The following GNB1 variants were observed in gnomAD, a reference collection of about 807,000 sequenced individuals.
GNB1 encodes the protein G protein subunit beta 1, also known as guanine nucleotide-binding protein G(I)/G(S)/G(T) subunit beta-1.
A neutral mutation model predicts 42.9 loss-of-function variants in GNB1; 2 were observed. The observed-to-expected ratio is 0.05, with a 90% CI of 0.02 to 0.15. GNB1 has a LOEUF of 0.15. Among genes scored for constraint, GNB1 ranks in the 10% least tolerant of loss-of-function variants. The probability of loss-of-function intolerance (pLI) is 1.00; values close to 1 mark genes in which losing one functional copy is unlikely to be tolerated. For missense variants in GNB1, 193 were observed against 462.2 expected (o/e 0.42, Z 5.34); for synonymous variants, 183 against 174.7 (o/e 1.05, Z -0.38).
At chr1:1,842,649 G>C (rs1647291980) in intron 1 of GNB1, among the ~76,000 whole-genome samples, 1 of 152,170 alleles carries the variant, frequency 6.6e-6, no homozygotes, top group Non-Finnish European at 1.5e-5. Flanking sequence ...GTGTGCAGTG[G>C]ACAATTATTT....
rs35188163 is a variant in GNB1 at position 1,866,635 on chromosome 1, TAAAA to T, written c.-96+24181_-96+24184del. The stretch of plus-strand genomic sequence containing the variant: ...ACTAACTAGTAATAGCTGATGAGCT[TAAAA>T]AAAAAAAAAATCGCTAAAAAAAAAT... On this transcript the variant is annotated intron_variant, in intron 1 of 11. Transcript: ENST00000378609. 9.6e-5 allele frequency among the ~76,000 whole-genome samples: 14 copies of T among 146,502 alleles called. No individual in the cohort carries two copies. In the South Asian group the frequency reaches 2.6e-3, roughly 27 times the overall value.
At position 1,785,896 on chromosome 1, in the gene GNB1, CA is replaced by C. The variant is rs1646399986; in HGVS notation, c.*1166del. 1 of 398,604 alleles carries C rather than the reference CA, an allele frequency of 2.5e-6. No homozygotes were observed. Among genetic ancestry groups the C allele is most frequent in the Non-Finnish European group, 4.4e-6 (1 of 226,024 alleles). 24.7% of individuals were successfully genotyped at this position (398,604 alleles called of 1,614,324 possible). A position where few individuals can be genotyped will look rare whatever the true frequency, so the allele number is the denominator to read the frequency against. On this transcript the variant is annotated 3_prime_UTR_variant, in exon 12 of 12. Coordinates refer to ENST00000378609, the MANE Select transcript of GNB1 (RefSeq NM_002074.5). ...GCTGTACTGCTTCCGATATGTGCCA[CA>C]GAGCAGCAACGAGAAGTGGACAGAG...
At chr1:1,854,511 G>A (rs920242427) in intron 1 of GNB1, among the ~76,000 whole-genome samples, 2 of 152,178 alleles carry the variant, frequency 1.3e-5, no homozygotes, top group African/African-American at 4.8e-5. Flanking sequence ...AGAGGAAGGG[G>A]ACCACAATGA....
At chr1:1,885,842 G>A (rs1650123531) in intron 1 of GNB1, among the ~76,000 whole-genome samples, 1 of 148,374 alleles carries the variant, frequency 6.7e-6, no homozygotes, top group Non-Finnish European at 1.5e-5. Context: ...ACAGGCGTGA[G>A]CCACCGTGCC....
chr1:1,883,584 CTCATTTAA>C (rs1387502296), intron 1 of GNB1, among the ~76,000 whole-genome samples: 14 of 152,272 alleles, frequency 9.2e-5, no homozygotes, highest in Admixed American at 2.0e-4. Flanking sequence ...CACATCAGGA[CTCATTTAA>C]TCCTCACAAT....
intron 6 of GNB1, among the ~76,000 whole-genome samples, chr1:1,805,383 C>T (rs1188473101): frequency 1.3e-5 from 2 of 151,182 alleles, no homozygotes; most frequent in African/African-American, 2.4e-5. Flanking sequence ...GTCGCTTGAA[C>T]CAGGGGGGTG....
intron 1 of GNB1, among the ~76,000 whole-genome samples, chr1:1,889,824 C>T (rs1364682407): frequency 1.3e-5 from 2 of 152,180 alleles, no homozygotes; most frequent in Non-Finnish European, 2.9e-5. Context: ...TCTTAAAAGT[C>T]AAAAGCCTCA....
intron 1 of GNB1, among the ~76,000 whole-genome samples, chr1:1,889,754 A>T (rs892387407): frequency 1.3e-5 from 2 of 152,190 alleles, no homozygotes; most frequent in Admixed American, 6.5e-5. Context: ...TAACGGACAC[A>T]AGAAATGTTA....
chr1:1,880,926 CA>C (rs34339560), intron 1 of GNB1, among the ~76,000 whole-genome samples: 125,917 of 151,956 alleles, frequency 0.83, 54,233 homozygotes, highest in Non-Finnish European at 0.95. Flanking sequence ...GCTACGAAGA[CA>C]AGAGTGGGGT....
Position 1,891,029 on chromosome 1 carries a change from G to GCCGCCT in GNB1, c.-311_-306dup, listed in dbSNP as rs1274633451. 105 of 154,944 alleles carry GCCGCCT rather than the reference G, an allele frequency of 6.8e-4. No homozygotes were observed. Among genetic ancestry groups the GCCGCCT allele is most frequent in the African/African-American group, 2.2e-3 (91 of 41,230 alleles). The allele number at this position is 154,944 out of a possible 1,614,324, so 9.6% of individuals were successfully genotyped here. A position where few individuals can be genotyped will look rare whatever the true frequency, so the allele number is the denominator to read the frequency against. ...CGCTCCCGCTCCCGCCGCCGCCGCC[G>GCCGCCT]CCGCCTCCGTCCGCCCCTCAGACGC... On this transcript the variant is annotated 5_prime_UTR_variant, in exon 1 of 12. Coordinates refer to ENST00000378609, the MANE Select transcript of GNB1 (RefSeq NM_002074.5).
At chr1:1,871,339 A>T (rs967603343) in intron 1 of GNB1, among the ~76,000 whole-genome samples, 3 of 151,894 alleles carry the variant, frequency 2.0e-5, no homozygotes, top group Non-Finnish European at 4.4e-5. Context: ...ACACATCTAT[A>T]ATCTCAGCTA....
intron 1 of GNB1, among the ~76,000 whole-genome samples, chr1:1,884,765 G>T (rs1170485806): frequency 2.0e-5 from 3 of 151,574 alleles, no homozygotes; most frequent in African/African-American, 7.3e-5. Context: ...TCACTGCGAG[G>T]TCTGCCTCCC....
At chr1:1,872,474 G>T (rs1027032871) in intron 1 of GNB1, among the ~76,000 whole-genome samples, 2 of 152,182 alleles carry the variant, frequency 1.3e-5, no homozygotes, top group African/African-American at 4.8e-5. Context: ...GCCTGAGGCC[G>T]TGTGGCCAAG....
chr1:1,806,702 A>C (rs1289038984), intron 5 of GNB1, among the ~76,000 whole-genome samples, 164 bp from the exon 6 acceptor site: 2 of 152,214 alleles, frequency 1.3e-5, no homozygotes, highest in East Asian at 1.9e-4. Flanking sequence ...GGTCGGGCAC[A>C]GTTGCTCACG....
chr1:1,890,687 G>T (rs993975613), intron 1 of GNB1, 133 bp downstream of exon 1: 1 of 147,186 alleles, frequency 6.8e-6, no homozygotes, highest in Non-Finnish European at 1.5e-5. Flanking sequence ...TTCGGACGCC[G>T]CCCGCCGCAC....
intron 1 of GNB1, among the ~76,000 whole-genome samples, chr1:1,847,826 G>A (rs1647753393): frequency 6.6e-6 from 1 of 152,118 alleles, no homozygotes; most frequent in African/African-American, 2.4e-5. Flanking sequence ...GTGGATCTTA[G>A]AGAAATTCAA....
At chr1:1,791,339 T>A (rs1646478909) in intron 8 of GNB1, among the ~76,000 whole-genome samples, 1 of 151,968 alleles carries the variant, frequency 6.6e-6, no homozygotes, top group East Asian at 1.9e-4. Flanking sequence ...GCCCGGCTAA[T>A]TTTGTTTGTA....
intron 1 of GNB1, among the ~76,000 whole-genome samples, chr1:1,874,804 CA>C (rs200659776): frequency 6.7e-6 from 1 of 149,558 alleles, no homozygotes; most frequent in Non-Finnish European, 1.5e-5. Context: ...AAAAAAAAGA[CA>C]AAAAAAAAGT....
intron 3 of GNB1, among the ~76,000 whole-genome samples, chr1:1,820,845 C>T (rs1341306470): frequency 2.0e-5 from 3 of 152,150 alleles, no homozygotes; most frequent in Admixed American, 1.3e-4. Flanking sequence ...TTTATTTTAG[C>T]CAATAACCAG....
Sources: allele counts gnomAD v4.1 joint callset (sites outside exome capture counted in the v4.1 genomes callset), GRCh38; gene constraint gnomAD v4.1.1; transcripts MANE v1.5; gene names NCBI Gene and HGNC (gene_info 2026-07-23, HGNC 2026-07-21).